Variants in PRKCH observed in about 807,000 individuals in gnomAD.
PRKCH encodes protein kinase C eta type.
Under a neutral mutation model 82.5 loss-of-function variants are expected in PRKCH, and 28 were observed. That is an observed-to-expected ratio of 0.34 (90% CI 0.25 to 0.47). The LOEUF (loss-of-function observed/expected upper bound fraction) is 0.47, where lower values mean the gene tolerates loss of function less well. PRKCH is among the 20% of genes least tolerant of loss of function. The pLI is 1.00. For missense variants in PRKCH, 705 were observed against 881.8 expected (o/e 0.80, Z 2.54); for synonymous variants, 322 against 327.4 (o/e 0.98, Z 0.18).
At chr14:61,366,869 C>T (rs2046303025) in intron 1 of PRKCH, among the ~76,000 whole-genome samples, 1 of 151,970 alleles carries the variant, frequency 6.6e-6, no homozygotes, top group Non-Finnish European at 1.5e-5. Context: ...GAACTTTGGA[C>T]CTCCCCAGCC....
At chr14:61,444,194 A>T (rs182087491) in intron 3 of PRKCH, among the ~76,000 whole-genome samples, 4 of 152,348 alleles carry the variant, frequency 2.6e-5, no homozygotes, top group African/African-American at 9.6e-5. Context: ...CGATTTTGAG[A>T]TGCTAAACCA....
At chr14:61,451,042 G>A in intron 6 of PRKCH, 71 bp downstream of exon 6, 3 of 1,545,620 alleles carry the variant, frequency 1.9e-6, no homozygotes, top group Non-Finnish European at 2.6e-6. Context: ...AGAATTCTGT[G>A]GACTCAGAAT....
Position 61,268,950 on chromosome 14 carries a change from A to G in PRKCH, c.-19+81282A>G, listed in dbSNP as rs78008623. Among the ~76,000 whole-genome samples, 1,116 of 152,358 alleles carry G rather than the reference A, an allele frequency of 7.3e-3. 43 individuals are homozygous for G. In the East Asian group the frequency reaches 0.11, roughly 14 times the overall value. ...ACAGTTCCTGGGAAAGGCATCTGCC[A>G]ATATTTATTGGTCTTCCACTTAAAA... On this transcript the variant is annotated intron_variant, in intron 1 of 3. Coordinates refer to the PRKCH transcript ENST00000555185.
intron 1 of PRKCH, among the ~76,000 whole-genome samples, chr14:61,253,486 A>C (rs1162161866): frequency 1.4e-5 from 2 of 140,106 alleles, no homozygotes; most frequent in Non-Finnish European, 3.1e-5. Flanking sequence ...TTGGCTGCAT[A>C]TTTTCAGAAT....
At chr14:61,246,868 G>A (rs1566793318) in intron 1 of PRKCH, among the ~76,000 whole-genome samples, 1 of 152,152 alleles carries the variant, frequency 6.6e-6, no homozygotes, top group African/African-American at 2.4e-5. Context: ...GATTACAGAT[G>A]TGAGCCACTG....
chr14:61,311,669 G>T (rs2045524921), intron 1 of PRKCH, among the ~76,000 whole-genome samples: 1 of 152,216 alleles, frequency 6.6e-6, no homozygotes, highest in African/African-American at 2.4e-5. Flanking sequence ...AGAACTGCCT[G>T]ACACTGGGTA....
intron 8 of PRKCH, 31 bp downstream of exon 8, chr14:61,457,350 A>G: frequency 6.2e-7 from 1 of 1,612,004 alleles, no homozygotes; most frequent in Non-Finnish European, 8.5e-7. Context: ...TTTGGGTTGA[A>G]GTAAGTGTGC....
At chr14:61,226,915 T>C (rs1245132026) in intron 1 of PRKCH, among the ~76,000 whole-genome samples, 2 of 151,706 alleles carry the variant, frequency 1.3e-5, no homozygotes, top group African/African-American at 4.8e-5. Flanking sequence ...CACTACCAAA[T>C]CTCTCTCAGA....
chr14:61,522,198 T>C (rs2042915388), intron 10 of PRKCH, among the ~76,000 whole-genome samples: 1 of 152,192 alleles, frequency 6.6e-6, no homozygotes, highest in Admixed American at 6.5e-5. Context: ...TTGACACATC[T>C]AGTTCTCTTT....
intron 1 of PRKCH, among the ~76,000 whole-genome samples, chr14:61,362,657 T>C (rs1194544964): frequency 3.3e-5 from 5 of 152,192 alleles, no homozygotes; most frequent in Non-Finnish European, 7.3e-5. Context: ...GCAGTGATCA[T>C]AAGGAAAGGA....
chr14:61,514,002 G>A lies in PRKCH; in HGVS notation c.1434-15073G>A, dbSNP rs185038312. On this transcript the variant is annotated intron_variant, in intron 10 of 13. Transcript: ENST00000332981. Reference sequence around the variant, plus strand: ...GACCAGAGTCCCTGCTTTCTAACTCGAGACAGTTCTTCTTCTTGTCCTTTG... The same window carrying A: ...GACCAGAGTCCCTGCTTTCTAACTCAAGACAGTTCTTCTTCTTGTCCTTTG... 4.9e-3 allele frequency among the ~76,000 whole-genome samples: 745 copies of A among 152,130 alleles called. 8 individuals carry two copies. Among genetic ancestry groups the A allele is most frequent in the Non-Finnish European group, 5.2e-3 (353 of 68,014 alleles).
At chr14:61,398,595 C>G (rs1307121505) in intron 2 of PRKCH, among the ~76,000 whole-genome samples, 2 of 152,158 alleles carry the variant, frequency 1.3e-5, no homozygotes, top group African/African-American at 4.8e-5. Context: ...CTGATGGAAG[C>G]CCACACAACA....
chr14:61,374,593 A>G (rs1408639708), intron 1 of PRKCH, among the ~76,000 whole-genome samples: 1 of 152,024 alleles, frequency 6.6e-6, no homozygotes, highest in Non-Finnish European at 1.5e-5. Flanking sequence ...GCCCAACACT[A>G]TATAGAAGTT....
At chr14:61,435,294 G>A (rs1340100524) in intron 2 of PRKCH, among the ~76,000 whole-genome samples, 1 of 152,172 alleles carries the variant, frequency 6.6e-6, no homozygotes, top group Non-Finnish European at 1.5e-5. Context: ...CTTGAACTCT[G>A]CTCCTGGGGG....
chr14:61,537,663 C>T (rs1012607685), intron 12 of PRKCH: 3 of 152,156 alleles, frequency 2.0e-5, no homozygotes, highest in South Asian at 2.1e-4. Context: ...CAGGTGAAGT[C>T]GGCACCCTTG....
At chr14:61,235,398 G>A (rs183163351) in intron 1 of PRKCH, among the ~76,000 whole-genome samples, 4 of 152,286 alleles carry the variant, frequency 2.6e-5, no homozygotes, top group South Asian at 2.1e-4. Context: ...TCCATTCACC[G>A]TGAAACTGCC....
At chr14:61,346,226 A>G (rs2140143054) in intron 1 of PRKCH, among the ~76,000 whole-genome samples, 1 of 152,290 alleles carries the variant, frequency 6.6e-6, no homozygotes, top group Non-Finnish European at 1.5e-5. Context: ...TGAGGTATCA[A>G]ATGATCACAT....
intron 12 of PRKCH, among the ~76,000 whole-genome samples, chr14:61,535,626 T>C (rs1442966852): frequency 2.0e-5 from 3 of 152,172 alleles, no homozygotes; most frequent in African/African-American, 7.2e-5. Flanking sequence ...AAGGACATCC[T>C]AGGTCACGCG....
intron 12 of PRKCH, among the ~76,000 whole-genome samples, chr14:61,541,334 T>C (rs1431773235): frequency 6.6e-6 from 1 of 152,268 alleles, no homozygotes; most frequent in Non-Finnish European, 1.5e-5. Context: ...TCTATGGTCA[T>C]GGCGAGGTTG....
Sources: gnomAD v4.1 joint callset for allele counts (sites outside exome capture counted in the v4.1 genomes callset) on GRCh38, gnomAD v4.1.1 for gene constraint, MANE v1.5 for transcripts, NCBI Gene and HGNC (gene_info 2026-07-23, HGNC 2026-07-21) for gene names.